The following RARA variants were observed in gnomAD, a reference collection of about 807,000 sequenced individuals.
The protein encoded by RARA is PML-DDX5-RARA fusion.
In RARA, 5 loss-of-function variants were observed where a neutral mutation model predicts 42.8. That is an observed-to-expected ratio of 0.12 (90% CI 0.06 to 0.25). The LOEUF (loss-of-function observed/expected upper bound fraction) is 0.25. Ranked by LOEUF, RARA falls within the 10% of genes least tolerant of loss-of-function variation. The pLI is 1.00. For missense variants in RARA, 402 were observed against 628.7 expected (o/e 0.64, Z 3.86); for synonymous variants, 256 against 259.5 (o/e 0.99, Z 0.13).
At chr17:40,322,072 A>C (rs577273839) in intron 1 of RARA, among the ~76,000 whole-genome samples, 5 of 151,648 alleles carry the variant, frequency 3.3e-5, no homozygotes, top group Non-Finnish European at 7.4e-5. Flanking sequence ...TTGCCTAAAA[A>C]CTGGGAGCTC....
chr17:40,340,521 G>A (rs920293058), intron 2 of RARA, among the ~76,000 whole-genome samples: 4 of 152,152 alleles, frequency 2.6e-5, no homozygotes, highest in African/African-American at 7.2e-5. Flanking sequence ...ATCAACTGCT[G>A]TAACCCCAGG....
At chr17:40,349,731 C>G (rs1238440067) in intron 3 of RARA, 53 bp from the exon 4 acceptor site, 2 of 1,605,084 alleles carry the variant, frequency 1.2e-6, no homozygotes, top group African/African-American at 2.7e-5. Flanking sequence ...CGTAGCCAGG[C>G]ACTGCTCCCA....
intron 4 of RARA, 22 bp downstream of exon 4, chr17:40,349,947 C>T (rs1197868944): frequency 1.9e-6 from 3 of 1,611,286 alleles, no homozygotes; most frequent in Admixed American, 3.3e-5. Context: ...AGGGCAGGGG[C>T]CGAGTCCCGC....
intron 2 of RARA, among the ~76,000 whole-genome samples, chr17:40,336,610 G>T (rs370400264): frequency 3.3e-5 from 5 of 150,922 alleles, no homozygotes; most frequent in African/African-American, 1.2e-4. Context: ...GGATGGTCTC[G>T]ATCTCCTGAC....
At chr17:40,334,044 C>A (rs2033776053) in intron 2 of RARA, among the ~76,000 whole-genome samples, 1 of 152,314 alleles carries the variant, frequency 6.6e-6, no homozygotes. Context: ...ACACTCTGTC[C>A]ATCTGGAGCC....
In RARA at chr17:40,313,874, G is replaced by T. The variant is rs151173660; in HGVS notation, c.-363+4588G>T. Among the ~76,000 whole-genome samples, 1,303 of 152,154 alleles carry T rather than the reference G, an allele frequency of 8.6e-3. 6 individuals carry two copies. The highest frequency in any genetic ancestry group is 0.015 in the South Asian group (71 of 4,818). On this transcript the variant is annotated intron_variant, in intron 1 of 8. Transcript: ENST00000254066. Reference sequence around the variant, plus strand: ...TGTGTGAGAAATCAATAGTGCAAATGGATTGAGGCTGTTTAGCCTGTCAAC... The same window carrying T: ...TGTGTGAGAAATCAATAGTGCAAATTGATTGAGGCTGTTTAGCCTGTCAAC...
intron 1 of RARA, among the ~76,000 whole-genome samples, chr17:40,315,339 C>G (rs2033190421): frequency 6.6e-6 from 1 of 151,786 alleles, no homozygotes; most frequent in Non-Finnish European, 1.5e-5. Flanking sequence ...AGCCACCATA[C>G]CTGGCCTGGG....
chr17:40,344,273 C>T (rs950186602), intron 2 of RARA, among the ~76,000 whole-genome samples: 1 of 152,022 alleles, frequency 6.6e-6, no homozygotes, highest in Non-Finnish European at 1.5e-5. Flanking sequence ...CCTCTAGGGC[C>T]GAATCTGCTG....
At position 40,355,935 on chromosome 17, in the gene RARA, G is replaced by A. The variant is rs993088963; in HGVS notation, c.1172-74G>A. The A allele has an allele frequency of 1.5e-6, 2 of 1,346,810 alleles. No individual in the cohort carries two copies. Among genetic ancestry groups the A allele is most frequent in the Non-Finnish European group, 2.0e-6 (2 of 983,032 alleles). 83.4% of individuals were successfully genotyped at this position (1,346,810 alleles called of 1,614,324 possible). A position where few individuals can be genotyped will look rare whatever the true frequency, so the allele number is the denominator to read the frequency against. ...TCAGCAGTATTGATCTTCCCACCTC[G>A]AGCCAGGCTTGCTGGGGCTGGGGGT... On this transcript the variant is annotated intron_variant, in intron 8 of 8. Transcript: ENST00000254066. The surrounding 1 kb of genome is among the most constrained non-coding windows in gnomAD (Gnocchi z 4.1).
rs79983301 is a variant in RARA, at chr17:40,348,118, G to A, written c.179-198G>A. On this transcript the variant is annotated intron_variant, in intron 2 of 8. Transcript: ENST00000254066. Reference sequence around the variant, plus strand: ...GGGGGTCCTAGGAGTCCAGAGGAGTGATGGGGTGCTGGAGGCTTCATTGGC... The same window carrying A: ...GGGGGTCCTAGGAGTCCAGAGGAGTAATGGGGTGCTGGAGGCTTCATTGGC... The A allele has an allele frequency of 2.1e-3, 1,104 of 522,846 alleles. 13 individuals are homozygous for A. The highest frequency in any genetic ancestry group is 0.02 in the African/African-American group (1,019 of 50,582). The allele number at this position is 522,846 out of a possible 1,614,324, so 32.4% of individuals were successfully genotyped here. A position where few individuals can be genotyped will look rare whatever the true frequency, so the allele number is the denominator to read the frequency against.
chr17:40,330,892 G>A lies in RARA; in HGVS notation c.-327G>A. 3.2e-6 allele frequency: 1 copy of A among 311,314 alleles called. No homozygotes were observed. Among genetic ancestry groups the A allele is most frequent in the Non-Finnish European group, 5.9e-6 (1 of 168,514 alleles). The allele number at this position is 311,314 out of a possible 1,614,324, so 19.3% of individuals were successfully genotyped here. ...CATGGCCCCCTCAGCCACCTAGCTG[G>A]GGCCCATCTAGGAGTGGCATCTTTT... On this transcript the variant is annotated 5_prime_UTR_variant, in exon 2 of 9. Coordinates refer to ENST00000254066, the MANE Select transcript of RARA (RefSeq NM_000964.4).
chr17:40,315,130 G>GTATATATATATATA (rs1356666001), intron 1 of RARA, among the ~76,000 whole-genome samples: 1 of 53,990 alleles, frequency 1.9e-5, no homozygotes, highest in African/African-American at 6.0e-5. Flanking sequence ...ATGCTTATAT[G>GTATATATATATATA]TGTATATATA....
intron 1 of RARA, among the ~76,000 whole-genome samples, chr17:40,310,169 T>C (rs2033068811): frequency 6.6e-6 from 1 of 152,152 alleles, no homozygotes; most frequent in Non-Finnish European, 1.5e-5. Context: ...TCTCTAGAGC[T>C]ACAAGGTCCC....
chr17:40,353,221 C>T (rs2034508579), intron 6 of RARA, among the ~76,000 whole-genome samples: 1 of 151,796 alleles, frequency 6.6e-6, no homozygotes, highest in South Asian at 2.1e-4. Flanking sequence ...TGAGGCCATG[C>T]TGAGCTCAGG....
intron 3 of RARA, 39 bp downstream of exon 3, chr17:40,348,503 G>A: frequency 6.3e-7 from 1 of 1,597,326 alleles, no homozygotes; most frequent in Non-Finnish European, 8.5e-7. Context: ...AGCTTGATGA[G>A]GTCAATGGGA....
At position 40,356,631 on chromosome 17, in the gene RARA, C is replaced by T. The variant is rs2034639781; in HGVS notation, c.*405C>T. 3 of 543,724 alleles carry T rather than the reference C, an allele frequency of 5.5e-6. No individual in the cohort carries two copies. The highest frequency in any genetic ancestry group is 3.7e-5 in the African/African-American group (2 of 54,388). 33.7% of individuals were successfully genotyped at this position (543,724 alleles called of 1,614,324 possible). A position where few individuals can be genotyped will look rare whatever the true frequency, so the allele number is the denominator to read the frequency against. ...TTGCTCCCCAGCTGGGGAACCTCAACCTCCCCCCTGCCTCGGTTGGTGACA... is the reference window on the plus strand; with the variant it reads ...TTGCTCCCCAGCTGGGGAACCTCAATCTCCCCCCTGCCTCGGTTGGTGACA... On this transcript the variant is annotated 3_prime_UTR_variant, in exon 9 of 9. Coordinates refer to ENST00000254066, the MANE Select transcript of RARA (RefSeq NM_000964.4).
intron 2 of RARA, among the ~76,000 whole-genome samples, chr17:40,344,384 G>T (rs1421199567): frequency 6.6e-6 from 1 of 152,118 alleles, no homozygotes; most frequent in East Asian, 1.9e-4. Context: ...TCCCAGTGCT[G>T]GAGCAAGACC....
intron 2 of RARA, among the ~76,000 whole-genome samples, chr17:40,334,803 G>A (rs565329829): frequency 6.6e-6 from 1 of 152,314 alleles, no homozygotes; most frequent in East Asian, 1.9e-4. Flanking sequence ...CCCCAGGTGG[G>A]GAGGAGGCAG....
At chr17:40,349,701 C>T (rs2034380290) in intron 3 of RARA, 83 bp from the exon 4 acceptor site, 1 of 1,559,122 alleles carries the variant, frequency 6.4e-7, no homozygotes, top group African/African-American at 1.4e-5. Flanking sequence ...TGGCCTGGCC[C>T]TCCTCCCCTA....
Sources: allele counts gnomAD v4.1 joint callset (sites outside exome capture counted in the v4.1 genomes callset), GRCh38; gene constraint gnomAD v4.1.1; non-coding constraint Gnocchi (gnomAD v3.1); transcripts MANE v1.5; gene names NCBI Gene and HGNC (gene_info 2026-07-23, HGNC 2026-07-21).